Variants in NPHS1 observed in about 807,000 individuals in gnomAD.
NPHS1 encodes the protein nephrin.
Under a neutral mutation model 139.7 loss-of-function variants are expected in NPHS1, and 107 were observed. The ratio of observed to expected loss-of-function variants is 0.77; its 90% CI spans 0.66 to 0.90. NPHS1 has a LOEUF of 0.90. NPHS1 is among the 40% of genes least tolerant of loss of function. The pLI is 0.00. For synonymous variants in NPHS1, 707 were observed against 706.6 expected, an observed-to-expected ratio of 1.00 and a Z score of -0.01; for missense variants, 1,580 against 1,654.2, an observed-to-expected ratio of 0.96 and a Z score of 0.78.
chr19:35,842,496 G>T lies in NPHS1; in HGVS notation c.2389C>A (p.Pro797Thr). The T allele has an allele frequency of 2.5e-6, 4 of 1,614,100 alleles. No homozygotes were observed. The East Asian group carries it at 6.7e-5, about 27-fold the overall frequency. Residue 797 changes from proline to threonine, a missense_variant, in exon 18 of 29, where the codon CCA (proline) becomes ACA (threonine). Physicochemically the swap from Pro to Thr is conservative, Grantham distance 38. Coordinates refer to ENST00000378910, the MANE Select transcript of NPHS1 (RefSeq NM_004646.4). ...LDDMEKISRG[P>T]TGRLRIHHAK... ...TGGTGAATCCGCAGGCGCCCCGTTG[G>T]TCCCCTGGATATCTTCTCCATGTCA...
Position 35,839,553 on chromosome 19 carries a change from A to G in NPHS1, c.2870T>C (p.Val957Ala), listed in dbSNP as rs763902818. 2 of 1,614,126 alleles carry G rather than the reference A, an allele frequency of 1.2e-6. No homozygotes were observed. The highest frequency in any genetic ancestry group is 3.3e-5 in the Admixed American group (2 of 60,018). The change falls in exon 21 of 29, where the codon GTG (valine) becomes GCG (alanine). Residue 957 changes from valine to alanine, a missense_variant. Transcript: ENST00000378910. Reference protein sequence around the residue: ...LKVVSLTPHSVGLEWKPGFDG... With the variant: ...LKVVSLTPHSAGLEWKPGFDG... ...AAAGCCAGGCTTCCACTCCAGCCCC[A>G]CGGAGTGTGGGGTCAGACTCACAAC...
intron 16 of NPHS1, 42 bp from the exon 17 acceptor site, chr19:35,843,635 A>T (rs754378185): frequency 3.1e-6 from 5 of 1,610,480 alleles, no homozygotes; most frequent in Non-Finnish European, 4.2e-6. Flanking sequence ...TTGGGCCCAG[A>T]CAGGTCTGGG....
In NPHS1 at chr19:35,845,923, C is replaced by G; in HGVS notation, c.1627+85G>C. ...CCACCCCGCCTCCGCCCGCTTTCCC[C>G]GGGTCCAGGGTTCGCTGGGTCCCTG... On this transcript the variant is annotated intron_variant, in intron 12 of 28. Transcript: ENST00000378910. The surrounding 1 kb of genome is among the most constrained non-coding windows in gnomAD (Gnocchi z 5.5). The G allele has an allele frequency of 1.3e-6, 2 of 1,526,286 alleles. No homozygotes were observed. Among genetic ancestry groups the G allele is most frequent in the South Asian group, 2.4e-5 (2 of 81,836 alleles). The allele number at this position is 1,526,286 out of a possible 1,614,324, so 94.5% of individuals were successfully genotyped here. A position where few individuals can be genotyped will look rare whatever the true frequency, so the allele number is the denominator to read the frequency against.
intron 22 of NPHS1, among the ~76,000 whole-genome samples, chr19:35,837,849 G>A (rs977053701): frequency 2.7e-5 from 4 of 147,900 alleles, no homozygotes; most frequent in African/African-American, 1.0e-4. Flanking sequence ...TAATACACCC[G>A]CCTTGGCCTC....
intron 28 of NPHS1, among the ~76,000 whole-genome samples, chr19:35,829,959 G>A (rs1196500271): frequency 6.6e-6 from 1 of 152,068 alleles, no homozygotes; most frequent in African/African-American, 2.4e-5. Context: ...CCGTGACCAT[G>A]CCTAGCCATA....
chr19:35,845,516 G>C lies in NPHS1; in HGVS notation c.1782C>G (p.Pro594=). ...GERLEGVAAP[P]RRAPFKGSAA... ...CGGAGCCTTTGAATGGGGCTCTCCGGGGTGGGGCGGCCACGCCCTCCAGCC... is the reference window on the plus strand; with the variant it reads ...CGGAGCCTTTGAATGGGGCTCTCCGCGGTGGGGCGGCCACGCCCTCCAGCC... Residue 594 remains proline (P), a synonymous_variant, in exon 14 of 29, where the codon CCC becomes CCG. Coordinates refer to ENST00000378910, the MANE Select transcript of NPHS1 (RefSeq NM_004646.4). This position sits in a 1 kb window ranked among gnomAD's most constrained non-coding sequence, Gnocchi z 5.5. 2 of 1,610,480 alleles carry C rather than the reference G, an allele frequency of 1.2e-6. No homozygotes were observed.
In NPHS1 at chr19:35,851,360, G is replaced by C; in HGVS notation, c.299C>G (p.Ala100Gly). The C allele has an allele frequency of 6.2e-7, 1 of 1,613,392 alleles. No homozygotes were observed. Among genetic ancestry groups the C allele is most frequent in the South Asian group, 1.1e-5 (1 of 91,010 alleles). ...ARGEFHLHIE[A>G]CDLSDDAEYE... ...CTCCGCGTCATCGCTGAGGTCACAG[G>C]CCTCGATGTGCAGGTGGAATTCACC... is the stretch of plus-strand genomic sequence containing the variant. Residue 100 changes from alanine to glycine, a missense_variant, in exon 3 of 29, where the codon GCC (alanine) becomes GGC (glycine). Coordinates refer to ENST00000378910, the MANE Select transcript of NPHS1 (RefSeq NM_004646.4).
rs910612404 is a variant in NPHS1, at chr19:35,841,873, A to G, written c.2664-7T>C. The G allele has an allele frequency of 3.7e-6, 6 of 1,604,400 alleles. No individual in the cohort carries two copies. In the Admixed American group the frequency reaches 5.2e-5, roughly 14 times the overall value. On this transcript the variant is annotated splice_region_variant and splice_polypyrimidine_tract_variant and intron_variant, in intron 19 of 28. Transcript: ENST00000378910. ...GTATGTGTGCTCCGTGTACCTAGAG[A>G]GAAGGTAGGGCACCACTCACCCTTC...
At position 35,846,144 on chromosome 19, in the gene NPHS1, C is replaced by T; in HGVS notation, c.1491G>A (p.Val497=). Residue 497 remains valine, a synonymous_variant, in exon 12 of 29, where the codon GTG becomes GTA. Coordinates refer to ENST00000378910, the MANE Select transcript of NPHS1 (RefSeq NM_004646.4). Reference sequence around the variant, plus strand: ...CAGATTTCTCCACGCTGCCGAGATGCACGCGCCGCGACTCCTGCGGCAGCC... The same window carrying T: ...CAGATTTCTCCACGCTGCCGAGATGTACGCGCCGCGACTCCTGCGGCAGCC... ...ESRLPQESRR[V]HLGSVEKSGS... The T allele has an allele frequency of 6.3e-7, 1 of 1,597,748 alleles. No individual in the cohort carries two copies. The highest frequency in any genetic ancestry group is 8.5e-7 in the Non-Finnish European group (1 of 1,173,592).
intron 28 of NPHS1, among the ~76,000 whole-genome samples, chr19:35,827,568 G>A (rs1370419653): frequency 6.6e-6 from 1 of 152,170 alleles, no homozygotes; most frequent in Non-Finnish European, 1.5e-5. Flanking sequence ...TTATTTTGAA[G>A]CAAGCCCAAG....
chr19:35,831,438 C>T (rs1257838518), intron 25 of NPHS1, 38 bp downstream of exon 25: 7 of 1,613,730 alleles, frequency 4.3e-6, no homozygotes, highest in Non-Finnish European at 5.9e-6. Flanking sequence ...CCCAAACCTC[C>T]CTCAGAGCCT....
intron 20 of NPHS1, 125 bp from the exon 21 acceptor site, chr19:35,839,732 G>T (rs1973027138): frequency 2.6e-6 from 2 of 768,196 alleles, no homozygotes; most frequent in Non-Finnish European, 4.5e-6. Flanking sequence ...GCATACTCAT[G>T]TTCTGTAAGG....
chr19:35,831,627 A>C lies in NPHS1; in HGVS notation c.3286+16T>G. 1 of 1,613,066 alleles carries C rather than the reference A, an allele frequency of 6.2e-7. No homozygotes were observed. Among genetic ancestry groups the C allele is most frequent in the Non-Finnish European group, 8.5e-7 (1 of 1,179,644 alleles). ...CCCTCGGGTCTCCACCCTGGCAGGG[A>C]AGGGTCTCTCCTCACCCTCAGCAAG... On this transcript the variant is annotated intron_variant, in intron 24 of 28. Transcript: ENST00000378910.
At chr19:35,831,838 G>A (rs1197862919) in intron 23 of NPHS1, 76 bp from the exon 24 acceptor site, 2 of 1,486,276 alleles carry the variant, frequency 1.3e-6, no homozygotes, top group Non-Finnish European at 1.8e-6. Context: ...CCGAGAAAGT[G>A]TAGCCCTGAC....
At position 35,848,059 on chromosome 19, in the gene NPHS1, G is replaced by C. The variant is rs754515359; in HGVS notation, c.1422C>G (p.Pro474=). ...CACCAACCTTGTACCACATGAGGGAGGGCTCTGGGTTGCCCCCGATAGCCA... is the reference window on the plus strand; with the variant it reads ...CACCAACCTTGTACCACATGAGGGACGGCTCTGGGTTGCCCCCGATAGCCA... ...VCLAIGGNPE[P]SLMWYKDSRT... is the part of the protein sequence containing the mutation. The change falls in exon 11 of 29, where the codon CCC becomes CCG. Residue 474 remains proline (P), a synonymous_variant. Coordinates refer to ENST00000378910, the MANE Select transcript of NPHS1 (RefSeq NM_004646.4). The C allele has an allele frequency of 1.9e-6, 3 of 1,613,760 alleles. No homozygotes were observed. In the African/African-American group the frequency reaches 4.0e-5, roughly 22 times the overall value.
At chr19:35,831,590 G>T in intron 24 of NPHS1, 53 bp downstream of exon 24, 3 of 1,611,796 alleles carry the variant, frequency 1.9e-6, no homozygotes, top group South Asian at 1.1e-5. Flanking sequence ...GCAACCACAG[G>T]GTTCCCTATC....
intron 23 of NPHS1, among the ~76,000 whole-genome samples, chr19:35,834,544 A>C (rs928425898): frequency 1.2e-4 from 19 of 152,176 alleles, no homozygotes; most frequent in Admixed American, 4.6e-4. Flanking sequence ...ACGGAATTAA[A>C]CTAAATTTGG....
In NPHS1 at chr19:35,837,071, A is replaced by AAAGAAAGAAAGG. The variant is rs1568451307; in HGVS notation, c.3110-1311_3110-1310insCCTTTCTTTCTT. 2.1e-5 allele frequency among the ~76,000 whole-genome samples: 3 copies of AAAGAAAGAAAGG among 140,440 alleles called. No individual in the cohort carries two copies. The South Asian group carries it at 6.7e-4, about 31-fold the overall frequency. The allele number at this position is 140,440 out of a possible 152,430, so 92.1% of individuals were successfully genotyped here. On this transcript the variant is annotated intron_variant, in intron 22 of 28. Coordinates refer to ENST00000378910, the MANE Select transcript of NPHS1 (RefSeq NM_004646.4). ...GAAAGAAAGAAAGAAAGAAAGAAAGAAAAATAAACTGAGCCACAAAGATCT... is the reference window on the plus strand; with the variant it reads ...GAAAGAAAGAAAGAAAGAAAGAAAGAAAGAAAGAAAGGAAAATAAACTGAGCCACAAAGATCT...
rs1322499154 is a variant in NPHS1, at chr19:35,845,365, T to C, written c.1930+3A>G. On this transcript the variant is annotated splice_donor_region_variant and intron_variant, in intron 14 of 28. Coordinates refer to ENST00000378910, the MANE Select transcript of NPHS1 (RefSeq NM_004646.4). This position sits in a 1 kb window ranked among gnomAD's most constrained non-coding sequence, Gnocchi z 5.5. ...AGAGGGGCTTTCAGGCCGGGGCACA[T>C]ACACAGTACGTTGAGGCGATAGAAG... The C allele has an allele frequency of 5.6e-6, 9 of 1,614,210 alleles. No individual in the cohort carries two copies. Among genetic ancestry groups the C allele is most frequent in the South Asian group, 1.1e-5 (1 of 91,084 alleles).
Sources: allele counts gnomAD v4.1 joint callset (sites outside exome capture counted in the v4.1 genomes callset), GRCh38; gene constraint gnomAD v4.1.1; non-coding constraint Gnocchi (gnomAD v3.1); transcripts MANE v1.5; gene names NCBI Gene and HGNC (gene_info 2026-07-23, HGNC 2026-07-21).